Variants in DCC observed in about 807,000 individuals in gnomAD.
DCC encodes the protein netrin receptor DCC.
A neutral mutation model predicts 172.5 loss-of-function variants in DCC; 58 were observed. The observed-to-expected ratio is 0.34, with a 90% CI of 0.27 to 0.42. The LOEUF (loss-of-function observed/expected upper bound fraction) is 0.42. Among genes scored for constraint, DCC ranks in the 10% least tolerant of loss-of-function variants. The probability of loss-of-function intolerance (pLI) is 1.00; values close to 1 mark genes in which losing one functional copy is unlikely to be tolerated. For missense variants in DCC, 1,740 were observed against 1,791.0 expected (o/e 0.97, Z 0.51); for synonymous variants, 709 against 644.5 (o/e 1.10, Z -1.52).
At chr18:53,385,388 T>C (rs11663156) in intron 15 of DCC, among the ~76,000 whole-genome samples, 41,459 of 152,192 alleles carry the variant, frequency 0.27, 6,205 homozygotes, top group East Asian at 0.5. Flanking sequence ...TTGCCAGCTC[T>C]GGATACAGAC....
In DCC at chr18:52,782,990, C is replaced by T. The variant is rs138298058; in HGVS notation, c.412+30616C>T. On this transcript the variant is annotated intron_variant, in intron 2 of 28. Coordinates refer to ENST00000442544, the MANE Select transcript of DCC (RefSeq NM_005215.4). ...CTAAATGTCTTTGGACAGATGGTGCCCTGTTAGAGTAAAGGAAGCTAAAAA... is the reference window on the plus strand; with the variant it reads ...CTAAATGTCTTTGGACAGATGGTGCTCTGTTAGAGTAAAGGAAGCTAAAAA... 1.9e-3 allele frequency among the ~76,000 whole-genome samples: 282 copies of T among 151,962 alleles called. 2 individuals carry two copies. The highest frequency in any genetic ancestry group is 0.017 in the Middle Eastern group (5 of 294).
intron 1 of DCC, among the ~76,000 whole-genome samples, chr18:52,397,684 C>T (rs1175267565): frequency 2.6e-5 from 4 of 151,928 alleles, no homozygotes; most frequent in Non-Finnish European, 5.9e-5. Context: ...ACTCTTTGGC[C>T]CTTTCACACA....
intron 1 of DCC, among the ~76,000 whole-genome samples, chr18:52,565,266 G>C (rs190114099): frequency 6.6e-6 from 1 of 152,166 alleles, no homozygotes; most frequent in Non-Finnish European, 1.5e-5. Context: ...TTGGTTCCAA[G>C]TCTTTGCTAT....
At chr18:52,787,165 G>T (rs2037675428) in intron 2 of DCC, among the ~76,000 whole-genome samples, 1 of 152,072 alleles carries the variant, frequency 6.6e-6, no homozygotes, top group African/African-American at 2.4e-5. Flanking sequence ...ATTCCAAAAA[G>T]GTTGCTTTAA....
At chr18:52,912,151 A>G (rs950055227) in intron 3 of DCC, among the ~76,000 whole-genome samples, 3 of 152,124 alleles carry the variant, frequency 2.0e-5, no homozygotes, top group Non-Finnish European at 4.4e-5. Flanking sequence ...TCTTGGTTTC[A>G]CCACCTGGTA....
chr18:52,480,678 G>A (rs749520923), intron 1 of DCC, among the ~76,000 whole-genome samples: 9 of 152,156 alleles, frequency 5.9e-5, no homozygotes, highest in Non-Finnish European at 1.3e-4. Context: ...TATTAGAAAT[G>A]CAAGAAAGGT....
intron 1 of DCC, among the ~76,000 whole-genome samples, chr18:52,692,887 G>A (rs1285329932): frequency 6.6e-6 from 1 of 152,092 alleles, no homozygotes; most frequent in Non-Finnish European, 1.5e-5. Context: ...AAAATGAGAG[G>A]CAAGACATAA....
Position 53,506,449 on chromosome 18 carries a change from T to C in DCC, c.4111+6939T>C, listed in dbSNP as rs530605603. On this transcript the variant is annotated intron_variant, in intron 27 of 28. Coordinates refer to ENST00000442544, the MANE Select transcript of DCC (RefSeq NM_005215.4). Reference sequence around the variant, plus strand: ...TTATGCTAAAGCCAAATAAATTGCATAGAGTGGAAAAGACACTTGAAACCA... The same window carrying C: ...TTATGCTAAAGCCAAATAAATTGCACAGAGTGGAAAAGACACTTGAAACCA... 3.2e-4 allele frequency among the ~76,000 whole-genome samples: 48 copies of C among 152,280 alleles called. 1 individual carries two copies. The highest frequency in any genetic ancestry group is 3.4e-3 in the Middle Eastern group (1 of 294).
At position 52,637,139 on chromosome 18, in the gene DCC, A is replaced by G. The variant is rs184209314; in HGVS notation, c.92-114915A>G. On this transcript the variant is annotated intron_variant, in intron 1 of 28. Transcript: ENST00000442544. ...AGGGGGAAAGTAATACATCAAAGGA[A>G]CACCCCATGGGACAAAAGAATCTGA... Among the ~76,000 whole-genome samples the G allele has an allele frequency of 7.2e-4, 109 of 152,274 alleles. 1 individual carries two copies. The highest frequency in any genetic ancestry group is 2.5e-3 in the African/African-American group (103 of 41,564).
At chr18:53,124,992 A>G (rs1440295921) in intron 7 of DCC, among the ~76,000 whole-genome samples, 1 of 151,754 alleles carries the variant, frequency 6.6e-6, no homozygotes, top group East Asian at 1.9e-4. Context: ...TGATGCTATC[A>G]TCATCATCAT....
chr18:52,716,830 C>G (rs780381496), intron 1 of DCC, among the ~76,000 whole-genome samples: 7 of 152,302 alleles, frequency 4.6e-5, no homozygotes, highest in Non-Finnish European at 1.0e-4. Flanking sequence ...TGATAGGTAA[C>G]CATTTTTTCA....
chr18:53,185,928 T>C (rs2055274805), intron 9 of DCC, among the ~76,000 whole-genome samples: 1 of 152,212 alleles, frequency 6.6e-6, no homozygotes, highest in African/African-American at 2.4e-5. Context: ...ATGCTGTTTA[T>C]TTACTTAAGT....
intron 1 of DCC, among the ~76,000 whole-genome samples, chr18:52,736,064 A>G (rs1216475679): frequency 6.6e-6 from 1 of 152,114 alleles, no homozygotes; most frequent in African/African-American, 2.4e-5. Context: ...AAGAAATAAC[A>G]TATATAAGCA....
intron 1 of DCC, among the ~76,000 whole-genome samples, chr18:52,542,230 A>T (rs987509280): frequency 6.6e-6 from 1 of 151,870 alleles, no homozygotes; most frequent in Non-Finnish European, 1.5e-5. Flanking sequence ...AATTTTTCTA[A>T]ATATTTAATT....
chr18:52,938,227 A>G (rs36063562), intron 5 of DCC, among the ~76,000 whole-genome samples: 36,800 of 152,052 alleles, frequency 0.24, 4,673 homozygotes, highest in Admixed American at 0.31. Context: ...TCTGTGATAA[A>G]GATTCATACC....
At chr18:52,464,111 C>G (rs1461292477) in intron 1 of DCC, among the ~76,000 whole-genome samples, 1 of 152,130 alleles carries the variant, frequency 6.6e-6, no homozygotes, top group Admixed American at 6.5e-5. Flanking sequence ...TATTATCAGT[C>G]TATTGAGTGC....
intron 1 of DCC, among the ~76,000 whole-genome samples, chr18:52,692,412 C>A (rs1230910824): frequency 6.6e-6 from 1 of 152,084 alleles, no homozygotes; most frequent in South Asian, 2.1e-4. Context: ...TCACTGCATT[C>A]TGAACTGATT....
chr18:53,004,579 A>G (rs1401810314), intron 5 of DCC, among the ~76,000 whole-genome samples: 3 of 152,218 alleles, frequency 2.0e-5, no homozygotes, highest in South Asian at 4.1e-4. Flanking sequence ...TACTCCCCAC[A>G]CAACAATAAT....
chr18:52,370,732 A>G (rs1284741708), intron 1 of DCC, among the ~76,000 whole-genome samples: 1 of 152,258 alleles, frequency 6.6e-6, no homozygotes, highest in Non-Finnish European at 1.5e-5. Context: ...AAGTTAAAGA[A>G]AAAAACATGT....
Sources: gnomAD v4.1 joint callset for allele counts (sites outside exome capture counted in the v4.1 genomes callset) on GRCh38, gnomAD v4.1.1 for gene constraint, MANE v1.5 for transcripts, NCBI Gene and HGNC (gene_info 2026-07-23, HGNC 2026-07-21) for gene names.